The following SIGLEC10 variants were observed in gnomAD, a reference collection of about 807,000 sequenced individuals.
SIGLEC10 encodes the protein sialic acid-binding Ig-like lectin 10.
SIGLEC10 carries 45 observed loss-of-function variants against 68.3 expected under a neutral mutation model. The observed-to-expected ratio is 0.66, with a 90% CI of 0.52 to 0.84. SIGLEC10 has a LOEUF of 0.84. Ranked by LOEUF, SIGLEC10 falls within the 40% of genes least tolerant of loss-of-function variation. The pLI is 0.00. For missense variants in SIGLEC10, 789 were observed against 883.1 expected (o/e 0.89, Z 1.35); for synonymous variants, 379 against 370.8 (o/e 1.02, Z -0.26).
intron 10 of SIGLEC10, 129 bp from the exon 11 acceptor site, chr19:51,411,500 C>G (rs915315218): frequency 1.3e-5 from 15 of 1,197,496 alleles, no homozygotes; most frequent in Non-Finnish European, 1.7e-5. Flanking sequence ...AGCTTGCATT[C>G]CATCTTGGAA....
intron 5 of SIGLEC10, 24 bp downstream of exon 5, chr19:51,415,874 C>T (rs1430579518): frequency 1.9e-6 from 3 of 1,611,986 alleles, no homozygotes; most frequent in Admixed American, 3.3e-5. Context: ...CAATGGACTC[C>T]AGGCCCCTGC....
chr19:51,415,703 A>C (rs1004719288), intron 5 of SIGLEC10, 88 bp from the exon 6 acceptor site: 2 of 1,606,860 alleles, frequency 1.2e-6, no homozygotes, highest in East Asian at 4.5e-5. Flanking sequence ...AGGTGGGGGA[A>C]GTGGGTGGGA....
chr19:51,414,948 G>A lies in SIGLEC10; in HGVS notation c.1491C>T (p.Ser497=), dbSNP rs146602980. The A allele has an allele frequency of 2.6e-4, 413 of 1,614,038 alleles. No homozygotes were observed. In the African/African-American group the frequency reaches 4.9e-3, roughly 19 times the overall value. The part of the protein sequence containing the change: ...SSQDSFEVTP[S]SAGPWANSSL... ...AGCTGTTGGCCCAGGGCCCGGCTGA[G>A]CTGGGGGTGACCTCGAAGGAGTCCT... The change falls in exon 8 of 11, where the codon AGC becomes AGT. Residue 497 remains serine, a synonymous_variant. Transcript: ENST00000339313. This position sits in a 1 kb window ranked among gnomAD's most constrained non-coding sequence, Gnocchi z 4.1.
chr19:51,413,616 C>A (rs1486287115), intron 10 of SIGLEC10, 96 bp downstream of exon 10: 8 of 1,090,838 alleles, frequency 7.3e-6, no homozygotes, highest in Non-Finnish European at 1.1e-5. Context: ...GTGCTTTTCC[C>A]ACCTTGATGT....
At chr19:51,411,435 T>C in intron 10 of SIGLEC10, 64 bp from the exon 11 acceptor site, 1 of 1,585,228 alleles carries the variant, frequency 6.3e-7, no homozygotes, top group South Asian at 1.1e-5. Context: ...TTACCACGCG[T>C]CGGGCACTGA....
chr19:51,415,444 G>A lies in SIGLEC10; in HGVS notation c.1073-6C>T. The stretch of plus-strand genomic sequence containing the variant: ...GTTCCCAAGGTTTTCCAGGACTAGG[G>A]AAGGAAGAGGCAGAATCGATGAGCA... On this transcript the variant is annotated splice_polypyrimidine_tract_variant and splice_region_variant and intron_variant, in intron 6 of 10. Coordinates refer to ENST00000339313, the MANE Select transcript of SIGLEC10 (RefSeq NM_033130.5). 6.2e-7 allele frequency: 1 copy of A among 1,607,224 alleles called. No homozygotes were observed. The highest frequency in any genetic ancestry group is 2.2e-5 in the East Asian group (1 of 44,750).
Position 51,414,194 on chromosome 19 carries a change from C to A in SIGLEC10, c.1709+228G>T. ...AACAAGCTTCAGCTGTGCCTAATTACAAGAAACACTTCGCTTGGGGCGTGA... is the reference window on the plus strand; with the variant it reads ...AACAAGCTTCAGCTGTGCCTAATTAAAAGAAACACTTCGCTTGGGGCGTGA... On this transcript the variant is annotated intron_variant, in intron 9 of 10. Transcript: ENST00000339313. The surrounding 1 kb of genome is among the most constrained non-coding windows in gnomAD (Gnocchi z 4.1). The A allele has an allele frequency of 1.7e-6, 1 of 582,260 alleles. No individual in the cohort carries two copies. 36.1% of individuals were successfully genotyped at this position (582,260 alleles called of 1,614,324 possible). A position where few individuals can be genotyped will look rare whatever the true frequency, so the allele number is the denominator to read the frequency against.
At position 51,416,298 on chromosome 19, in the gene SIGLEC10, G is replaced by C. The variant is rs188969492; in HGVS notation, c.754+12C>G. On this transcript the variant is annotated intron_variant, in intron 4 of 10. Coordinates refer to ENST00000339313, the MANE Select transcript of SIGLEC10 (RefSeq NM_033130.5). ...ACAACTGGCCCAGCCCCAGCCCGAC[G>C]GCCCTCAGTACCTGGCGTGTTGTCA... 592 of 1,614,054 alleles carry C rather than the reference G, an allele frequency of 3.7e-4. 5 individuals carry two copies. The East Asian group carries it at 0.01, about 28-fold the overall frequency.
intron 10 of SIGLEC10, among the ~76,000 whole-genome samples, chr19:51,411,801 G>A (rs1988036925): frequency 6.6e-6 from 1 of 151,704 alleles, no homozygotes; most frequent in South Asian, 2.1e-4. Flanking sequence ...CGCTGAGACT[G>A]CGCCACTGCA....
In SIGLEC10 at chr19:51,415,270, C is replaced by T. The variant is rs761219382; in HGVS notation, c.1241G>A (p.Arg414Gln). ...PSDPGVLELP[R>Q]VQVEHEGEFT... is the part of the protein sequence containing the mutation. ...CTCTCCTTCGTGCTCCACTTGAACCCGAGGCAGCTCCAGGACCCCGGGGTC... is the reference window on the plus strand; with the variant it reads ...CTCTCCTTCGTGCTCCACTTGAACCTGAGGCAGCTCCAGGACCCCGGGGTC... The change falls in exon 7 of 11, where the codon CGG becomes CAG. Residue 414 changes from arginine (R) to glutamine (Q), a missense_variant. By Grantham distance (43) the Arg-to-Gln change is conservative. Transcript: ENST00000339313. The T allele has an allele frequency of 6.8e-6, 11 of 1,613,992 alleles. No individual in the cohort carries two copies. Among genetic ancestry groups the T allele is most frequent in the East Asian group, 2.2e-5 (1 of 44,888 alleles).
intron 10 of SIGLEC10, among the ~76,000 whole-genome samples, chr19:51,412,212 G>A (rs1020558487): frequency 2.0e-5 from 3 of 152,020 alleles, no homozygotes; most frequent in African/African-American, 7.3e-5. Flanking sequence ...AAGACTGGAG[G>A]GGGTGAGAAC....
Position 51,414,246 on chromosome 19 carries a change from C to CT in SIGLEC10, c.1709+175_1709+176insA. ...TGCCCTCAGCATTCCCTCTGGGAAGCAGACGCAGTTTGTCAGTTGGACAAC... is the reference window on the plus strand; with the variant it reads ...TGCCCTCAGCATTCCCTCTGGGAAGCTAGACGCAGTTTGTCAGTTGGACAAC... On this transcript the variant is annotated intron_variant, in intron 9 of 10. Coordinates refer to ENST00000339313, the MANE Select transcript of SIGLEC10 (RefSeq NM_033130.5). This position sits in a 1 kb window ranked among gnomAD's most constrained non-coding sequence, Gnocchi z 4.1. 1 of 621,648 alleles carries CT rather than the reference C, an allele frequency of 1.6e-6. No homozygotes were observed. The allele number at this position is 621,648 out of a possible 1,614,324, so 38.5% of individuals were successfully genotyped here. A position where few individuals can be genotyped will look rare whatever the true frequency, so the allele number is the denominator to read the frequency against.
Position 51,417,275 on chromosome 19 carries a change from G to T in SIGLEC10, c.228C>A (p.Asn76Lys). 1 of 1,614,236 alleles carries T rather than the reference G, an allele frequency of 6.2e-7. No homozygotes were observed. Among genetic ancestry groups the T allele is most frequent in the Non-Finnish European group, 8.5e-7 (1 of 1,180,030 alleles). Reference protein sequence around the residue: ...ETTKGAPVATNHQSREVEMST... With the variant: ...ETTKGAPVATKHQSREVEMST... Reference sequence around the variant, plus strand: ...TCATTTCCACCTCTCGACTCTGGTGGTTTGTGGCCACAGGAGCACCCTTGG... The same window carrying T: ...TCATTTCCACCTCTCGACTCTGGTGTTTTGTGGCCACAGGAGCACCCTTGG... The change falls in exon 2 of 11, where the codon AAC (asparagine) becomes AAA (lysine). Residue 76 changes from asparagine (N) to lysine (K), a missense_variant. By Grantham distance (94) the Asn-to-Lys change is moderately conservative. Transcript: ENST00000339313.
chr19:51,414,593 G>T lies in SIGLEC10; in HGVS notation c.1616-78C>A. The T allele has an allele frequency of 6.8e-7, 1 of 1,471,596 alleles. No homozygotes were observed. Among genetic ancestry groups the T allele is most frequent in the Non-Finnish European group, 9.4e-7 (1 of 1,060,256 alleles). The allele number at this position is 1,471,596 out of a possible 1,614,324, so 91.2% of individuals were successfully genotyped here. A position where few individuals can be genotyped will look rare whatever the true frequency, so the allele number is the denominator to read the frequency against. On this transcript the variant is annotated intron_variant, in intron 8 of 10. Coordinates refer to ENST00000339313, the MANE Select transcript of SIGLEC10 (RefSeq NM_033130.5). This position sits in a 1 kb window ranked among gnomAD's most constrained non-coding sequence, Gnocchi z 4.1. ...AGCCCGCTCATCACTCGGCATTAAG[G>T]CTTCCGGTTCCCATGGCGGACATTG...
Position 51,415,965 on chromosome 19 carries a change from C to T in SIGLEC10, c.957G>A (p.Gly319=), listed in dbSNP as rs1568499845. Residue 319 remains glycine (G), a synonymous_variant, in exon 5 of 11, where the codon GGG becomes GGA. Transcript: ENST00000339313. The part of the protein sequence containing the change: ...ELPGVKAGDS[G]RYTCRAENRL... ...TGTTCTCCGCTCGGCAGGTGTAGCG[C>T]CCTGAATCCCCAGCCTTCACCCCGG... 1.2e-6 allele frequency: 2 copies of T among 1,613,666 alleles called. No homozygotes were observed. The highest frequency in any genetic ancestry group is 8.5e-7 in the Non-Finnish European group (1 of 1,180,004).
rs1456097107 is a variant in SIGLEC10, at chr19:51,411,233, G to C, written c.1960C>G (p.Gln654Glu). The C allele has an allele frequency of 3.7e-6, 6 of 1,614,076 alleles. No homozygotes were observed. Among genetic ancestry groups the C allele is most frequent in the Non-Finnish European group, 4.2e-6 (5 of 1,180,056 alleles). The change falls in exon 11 of 11, where the codon CAA becomes GAA. Residue 654 changes from glutamine (Q) to glutamate (E), a missense_variant. Transcript: ENST00000339313. ...TGGCTCTCCTGGGATTCTGGGGCTTGAGTGGATGATTTGGGTTCTGGGAAA... is the reference window on the plus strand; with the variant it reads ...TGGCTCTCCTGGGATTCTGGGGCTTCAGTGGATGATTTGGGTTCTGGGAAA... The part of the protein sequence containing the change: ...PSFPEPKSST[Q>E]APESQESQEE...
chr19:51,414,046 CT>C lies in SIGLEC10; in HGVS notation c.1710-224del, dbSNP rs1274280952. On this transcript the variant is annotated intron_variant, in intron 9 of 10. Coordinates refer to ENST00000339313, the MANE Select transcript of SIGLEC10 (RefSeq NM_033130.5). This position sits in a 1 kb window ranked among gnomAD's most constrained non-coding sequence, Gnocchi z 4.1. ...GGAAGAAGAAGAGGGTTCCCTGCTACTAGTGAGCCAGGGCAGCTGTCTGAGC... is the reference window on the plus strand; with the variant it reads ...GGAAGAAGAAGAGGGTTCCCTGCTACAGTGAGCCAGGGCAGCTGTCTGAGC... Among the ~76,000 whole-genome samples the C allele has an allele frequency of 6.6e-6, 1 of 152,192 alleles. No individual in the cohort carries two copies. The highest frequency in any genetic ancestry group is 2.4e-5 in the African/African-American group (1 of 41,442).
At chr19:51,413,870 G>T in intron 9 of SIGLEC10, 47 bp from the exon 10 acceptor site, 1 of 1,470,178 alleles carries the variant, frequency 6.8e-7, no homozygotes, top group South Asian at 1.1e-5. Flanking sequence ...ACCTCCCTGT[G>T]ACAGACTGCC....
chr19:51,414,942 G>C lies in SIGLEC10; in HGVS notation c.1497C>G (p.Ala499=). The stretch of plus-strand genomic sequence containing the variant: ...TCAGGGAGCTGTTGGCCCAGGGCCC[G>C]GCTGAGCTGGGGGTGACCTCGAAGG... ...QDSFEVTPSS[A]GPWANSSLSL... The change falls in exon 8 of 11, where the codon GCC becomes GCG. Residue 499 remains alanine, a synonymous_variant. Transcript: ENST00000339313. The surrounding 1 kb of genome is among the most constrained non-coding windows in gnomAD (Gnocchi z 4.1). 1 of 1,614,018 alleles carries C rather than the reference G, an allele frequency of 6.2e-7. No individual in the cohort carries two copies. The highest frequency in any genetic ancestry group is 1.1e-5 in the South Asian group (1 of 91,082).
Sources: gnomAD v4.1 joint callset for allele counts (sites outside exome capture counted in the v4.1 genomes callset) on GRCh38, gnomAD v4.1.1 for gene constraint, Gnocchi (gnomAD v3.1) non-coding constraint, MANE v1.5 for transcripts, NCBI Gene and HGNC (gene_info 2026-07-23, HGNC 2026-07-21) for gene names.